MTDH: variants seen among roughly 807,000 people sequenced by gnomAD.
The protein encoded by MTDH is protein LYRIC.
In MTDH, 34 loss-of-function variants were observed where a neutral mutation model predicts 72.7. The ratio of observed to expected loss-of-function variants is 0.47; its 90% CI spans 0.36 to 0.62. The LOEUF (loss-of-function observed/expected upper bound fraction) is 0.62, where lower values mean the gene tolerates loss of function less well. Among genes scored for constraint, MTDH ranks in the 20% least tolerant of loss-of-function variants. MTDH has a pLI of 0.00. For missense variants in MTDH, 677 were observed against 699.4 expected (o/e 0.97, Z 0.36); for synonymous variants, 266 against 268.9 (o/e 0.99, Z 0.10).
At chr8:97,665,013 C>T (rs1331221716) in intron 2 of MTDH, among the ~76,000 whole-genome samples, 3 of 152,204 alleles carry the variant, frequency 2.0e-5, no homozygotes, top group South Asian at 2.1e-4. Context: ...CTGCCTGCCT[C>T]GGCCTCCTAA....
intron 4 of MTDH, among the ~76,000 whole-genome samples, chr8:97,688,420 G>A (rs982447990): frequency 6.6e-6 from 1 of 152,102 alleles, no homozygotes; most frequent in Admixed American, 6.5e-5. Flanking sequence ...CATTTTCACT[G>A]TTACATATTA....
chr8:97,665,737 T>C (rs1812355784), intron 2 of MTDH, among the ~76,000 whole-genome samples: 1 of 152,186 alleles, frequency 6.6e-6, no homozygotes, highest in Non-Finnish European at 1.5e-5. Flanking sequence ...TTAGACAAGT[T>C]TGACTGGTCA....
intron 8 of MTDH, among the ~76,000 whole-genome samples, chr8:97,709,334 TAGA>T (rs10587009): frequency 0.42 from 63,306 of 151,726 alleles, 14,271 homozygotes; most frequent in East Asian, 0.62. Context: ...AAAGGCTTCT[TAGA>T]AGTACAATAT....
chr8:97,672,455 C>T (rs750035373), intron 2 of MTDH, among the ~76,000 whole-genome samples: 44 of 152,166 alleles, frequency 2.9e-4, no homozygotes, highest in Non-Finnish European at 5.6e-4. Context: ...CTTGGGTTCC[C>T]ACCCAAGGAA....
chr8:97,685,533 G>A lies in MTDH; in HGVS notation c.484-1135G>A, dbSNP rs568540811. ...GTGCAGTACTTTGAGAGGCCACGGC[G>A]GGCAGAGCACAAGGTCAGGAGTTTG... is the stretch of plus-strand genomic sequence containing the variant. On this transcript the variant is annotated intron_variant, in intron 2 of 11. Transcript: ENST00000336273. 7.3e-4 allele frequency among the ~76,000 whole-genome samples: 111 copies of A among 151,968 alleles called. 1 individual carries two copies. In the South Asian group the frequency reaches 8.7e-3, roughly 12 times the overall value.
chr8:97,718,992 T>C (rs962818421), intron 9 of MTDH, 57 bp from the exon 10 acceptor site: 5 of 1,488,948 alleles, frequency 3.4e-6, no homozygotes, highest in African/African-American at 2.8e-5. Flanking sequence ...CACCATAGAT[T>C]TTAATTAATG....
chr8:97,678,638 T>C (rs1474852919), intron 2 of MTDH, among the ~76,000 whole-genome samples: 1 of 135,554 alleles, frequency 7.4e-6, no homozygotes, highest in Non-Finnish European at 1.6e-5. Flanking sequence ...ACAGAATTGC[T>C]TAGTCACCCA....
chr8:97,689,464 T>TA (rs34009363), intron 5 of MTDH, among the ~76,000 whole-genome samples: 6,364 of 143,014 alleles, frequency 0.044, 368 homozygotes, highest in African/African-American at 0.14. Context: ...GCTTGTATGT[T>TA]AAAAAAAAAA....
At chr8:97,705,930 A>T (rs1337715909) in intron 7 of MTDH, among the ~76,000 whole-genome samples, 1 of 152,252 alleles carries the variant, frequency 6.6e-6, no homozygotes, top group Admixed American at 6.5e-5. Context: ...AATTCAGTGC[A>T]TCCTATAGTG....
chr8:97,697,150 A>AGATTTTT (rs1554580253), intron 6 of MTDH, among the ~76,000 whole-genome samples: 1 of 68,838 alleles, frequency 1.5e-5, no homozygotes, highest in African/African-American at 9.1e-5. Flanking sequence ...ATATATATAT[A>AGATTTTT]TTTTTTTTTT....
At chr8:97,724,477 T>TAA (rs1478094589) in intron 11 of MTDH, 123 bp from the exon 12 acceptor site, 10 of 655,740 alleles carry the variant, frequency 1.5e-5, no homozygotes, top group Admixed American at 9.7e-5. Context: ...CTTGAAAACT[T>TAA]AAACATAAAA....
In MTDH at chr8:97,726,695, C is replaced by G. The variant is rs1347042466; in HGVS notation, c.*2025C>G. ...ATGGCATTGTGGAGATGCAGAGATG[C>G]GTTGCTAAGTTGAGGTGGATCCAGT... is the stretch of plus-strand genomic sequence containing the variant. On this transcript the variant is annotated 3_prime_UTR_variant, in exon 12 of 12. Transcript: ENST00000336273. 6.6e-6 allele frequency: 1 copy of G among 152,186 alleles called. No individual in the cohort carries two copies. Among genetic ancestry groups the G allele is most frequent in the Non-Finnish European group, 1.5e-5 (1 of 68,058 alleles). The allele number at this position is 152,186 out of a possible 1,614,324, so 9.4% of individuals were successfully genotyped here.
In MTDH at chr8:97,727,100, A is replaced by G. The variant is rs150375637; in HGVS notation, c.*2430A>G. On this transcript the variant is annotated 3_prime_UTR_variant, in exon 12 of 12. Coordinates refer to ENST00000336273, the MANE Select transcript of MTDH (RefSeq NM_178812.4). ...CAAAAAAAAAAAAAAGATGGCAGCT[A>G]TATAAATGATAAAATTAATTACATT... 4 of 152,086 alleles carry G rather than the reference A, an allele frequency of 2.6e-5. No homozygotes were observed. In the East Asian group the frequency reaches 7.7e-4, roughly 29 times the overall value. The allele number at this position is 152,086 out of a possible 1,614,324, so 9.4% of individuals were successfully genotyped here. A position where few individuals can be genotyped will look rare whatever the true frequency, so the allele number is the denominator to read the frequency against.
At chr8:97,703,384 C>T (rs1814216392) in intron 7 of MTDH, among the ~76,000 whole-genome samples, 1 of 152,234 alleles carries the variant, frequency 6.6e-6, no homozygotes, top group African/African-American at 2.4e-5. Context: ...AAGCATTTTA[C>T]TCGATTTTTA....
intron 2 of MTDH, among the ~76,000 whole-genome samples, chr8:97,685,724 C>T (rs937696664): frequency 6.6e-6 from 1 of 150,480 alleles, no homozygotes; most frequent in African/African-American, 2.4e-5. Context: ...CACGCCACTG[C>T]ACTCCAGCCT....
Position 97,658,394 on chromosome 8 carries a change from T to C in MTDH, c.382-2678T>C, listed in dbSNP as rs530537227. ...ATCTGTGGGAATGCAGTTGGTCACT[T>C]TCAGACTTTGTGTTGTTTGAAAGAA... On this transcript the variant is annotated intron_variant, in intron 1 of 11. Coordinates refer to ENST00000336273, the MANE Select transcript of MTDH (RefSeq NM_178812.4). Among the ~76,000 whole-genome samples the C allele has an allele frequency of 5.3e-5, 8 of 152,336 alleles. No individual in the cohort carries two copies. The East Asian group carries it at 1.5e-3, about 29-fold the overall frequency.
intron 1 of MTDH, among the ~76,000 whole-genome samples, chr8:97,657,328 A>G (rs1014246970): frequency 1.3e-5 from 2 of 152,198 alleles, no homozygotes; most frequent in Admixed American, 1.3e-4. Context: ...TAAAACATAG[A>G]TTGTAAGCTA....
chr8:97,667,064 C>T (rs2130947202), intron 2 of MTDH, among the ~76,000 whole-genome samples: 1 of 152,302 alleles, frequency 6.6e-6, no homozygotes, highest in South Asian at 2.1e-4. Flanking sequence ...CAGTCATGCT[C>T]ACTGCAGCCT....
At chr8:97,666,338 C>T (rs930660753) in intron 2 of MTDH, among the ~76,000 whole-genome samples, 3 of 152,096 alleles carry the variant, frequency 2.0e-5, no homozygotes, top group Non-Finnish European at 4.4e-5. Context: ...AATATTTGTA[C>T]AAAACATTTT....
Sources: gnomAD v4.1 joint callset for allele counts (sites outside exome capture counted in the v4.1 genomes callset) on GRCh38, gnomAD v4.1.1 for gene constraint, MANE v1.5 for transcripts, NCBI Gene and HGNC (gene_info 2026-07-23, HGNC 2026-07-21) for gene names.